The following COP1 variants were observed in gnomAD, a reference collection of about 807,000 sequenced individuals.
COP1 encodes the protein COP1 E3 ubiquitin ligase, also known as E3 ubiquitin-protein ligase COP1.
Under a neutral mutation model 101.3 loss-of-function variants are expected in COP1, and 24 were observed. The observed-to-expected ratio is 0.24, with a 90% CI of 0.17 to 0.33. The LOEUF (loss-of-function observed/expected upper bound fraction) is 0.33, where lower values mean the gene tolerates loss of function less well. Among genes scored for constraint, COP1 ranks in the 10% least tolerant of loss-of-function variants. The pLI, the probability that COP1 is intolerant of heterozygous loss-of-function variation, is 1.00. For missense variants in COP1, 663 were observed against 906.2 expected, an observed-to-expected ratio of 0.73 and a Z score of 3.45; for synonymous variants, 347 against 341.9, an observed-to-expected ratio of 1.01 and a Z score of -0.17.
intron 8 of COP1, among the ~76,000 whole-genome samples, chr1:176,122,261 C>T (rs1015743037): frequency 6.6e-6 from 1 of 151,814 alleles, no homozygotes. Flanking sequence ...CTGGTCTGAA[C>T]ACATCTGACA....
intron 11 of COP1, among the ~76,000 whole-genome samples, chr1:176,065,895 A>T (rs1675870491): frequency 6.6e-6 from 1 of 151,792 alleles, no homozygotes; most frequent in Non-Finnish European, 1.5e-5. Flanking sequence ...TTTAGTAGAG[A>T]TGAGGTTTCA....
chr1:176,179,494 C>A (rs149382724), intron 2 of COP1, among the ~76,000 whole-genome samples: 1 of 152,052 alleles, frequency 6.6e-6, no homozygotes, highest in Non-Finnish European at 1.5e-5. Flanking sequence ...CAGCAATTTG[C>A]GAGGGCGAGG....
rs180880046 is a variant in COP1 at position 176,043,673 on chromosome 1, A to G, written c.1530+37T>C. The G allele has an allele frequency of 2.2e-5, 25 of 1,141,664 alleles. No individual in the cohort carries two copies. The Admixed American group carries it at 4.4e-4, about 20-fold the overall frequency. The allele number at this position is 1,141,664 out of a possible 1,614,324, so 70.7% of individuals were successfully genotyped here. ...CTAAAAGTTTTAACAAACCAAATGT[A>G]TGATTCATATAACATGTAACTAGTA... On this transcript the variant is annotated intron_variant, in intron 13 of 19. Coordinates refer to ENST00000367669, the MANE Select transcript of COP1 (RefSeq NM_022457.7).
chr1:176,201,071 T>G (rs1397300673), intron 1 of COP1, among the ~76,000 whole-genome samples: 1 of 152,064 alleles, frequency 6.6e-6, no homozygotes, highest in African/African-American at 2.4e-5. Flanking sequence ...AATCAAAAAT[T>G]TTTTCAGTGC....
chr1:175,978,373 A>T (rs1655050811), intron 18 of COP1, among the ~76,000 whole-genome samples: 1 of 152,204 alleles, frequency 6.6e-6, no homozygotes, highest in African/African-American at 2.4e-5. Flanking sequence ...TTATTATAAT[A>T]TTCACCATAA....
intron 2 of COP1, among the ~76,000 whole-genome samples, chr1:176,181,746 C>A (rs1212217884): frequency 6.6e-6 from 1 of 151,872 alleles, no homozygotes; most frequent in African/African-American, 2.4e-5. Flanking sequence ...GAGGCTGAGG[C>A]AGGAGAATCG....
intron 9 of COP1, among the ~76,000 whole-genome samples, chr1:176,089,299 TAACAACAAC>T (rs143549335): frequency 2.9e-4 from 43 of 150,598 alleles, no homozygotes; most frequent in African/African-American, 9.3e-4. Context: ...TCTAAAACAA[TAACAACAAC>T]AACAACAACA....
intron 9 of COP1, among the ~76,000 whole-genome samples, chr1:176,094,207 T>C (rs143285872): frequency 1.3e-5 from 2 of 152,268 alleles, no homozygotes; most frequent in African/African-American, 4.8e-5. Context: ...ACTCATTTTC[T>C]CAATTATTTT....
rs569849480 is a variant in COP1, at chr1:176,108,126, A to C, written c.1026+8498T>G. 9.9e-5 allele frequency among the ~76,000 whole-genome samples: 15 copies of C among 152,194 alleles called. No individual in the cohort carries two copies. In the East Asian group the frequency reaches 2.9e-3, roughly 29 times the overall value. On this transcript the variant is annotated intron_variant, in intron 9 of 19. Coordinates refer to ENST00000367669, the MANE Select transcript of COP1 (RefSeq NM_022457.7). ...AAGTAAAAATTTTAGGTTTTCTGAG[A>C]TACATCAATTTTTTAATTTTGCTAA...
intron 9 of COP1, among the ~76,000 whole-genome samples, chr1:176,096,511 C>T (rs1481812076): frequency 6.6e-6 from 1 of 152,214 alleles, no homozygotes; most frequent in Non-Finnish European, 1.5e-5. Flanking sequence ...CCTCAGGGGC[C>T]TGGGCCCTGC....
intron 15 of COP1, among the ~76,000 whole-genome samples, chr1:176,005,017 C>A (rs1268031953): frequency 6.6e-6 from 1 of 152,040 alleles, no homozygotes; most frequent in Non-Finnish European, 1.5e-5. Context: ...TTGATTCTTG[C>A]CACAATTTCA....
chr1:175,980,984 T>A (rs1655707376), intron 18 of COP1, among the ~76,000 whole-genome samples: 1 of 152,078 alleles, frequency 6.6e-6, no homozygotes, highest in African/African-American at 2.4e-5. Flanking sequence ...CACTTCATAT[T>A]TCATTCCAAT....
At chr1:176,068,372 A>G in intron 11 of COP1, among the ~76,000 whole-genome samples, 1 of 152,146 alleles carries the variant, frequency 6.6e-6, no homozygotes, top group East Asian at 1.9e-4. Flanking sequence ...AAATTCTTAC[A>G]CATAGCACAG....
chr1:176,046,294 A>G lies in COP1; in HGVS notation c.1308T>C (p.Phe436=). ...SIEFDRDCDY[F]AIAGVTKKIK... is the part of the protein sequence containing the mutation. ...TCTTCTTTGTAACTCCAGCAATCGC[A>G]AAATAGTCACAATCCCGGTCAAATT... The change falls in exon 12 of 20, where the codon TTT becomes TTC. Residue 436 remains phenylalanine (F), a synonymous_variant. Transcript: ENST00000367669. The G allele has an allele frequency of 6.2e-7, 1 of 1,610,524 alleles. No homozygotes were observed. Among genetic ancestry groups the G allele is most frequent in the Non-Finnish European group, 8.5e-7 (1 of 1,178,810 alleles).
intron 8 of COP1, among the ~76,000 whole-genome samples, chr1:176,130,533 G>A (rs1688714481): frequency 6.6e-6 from 1 of 151,772 alleles, no homozygotes; most frequent in African/African-American, 2.4e-5. Context: ...ATGGATGAAA[G>A]CTTAAAAGGT....
intron 18 of COP1, among the ~76,000 whole-genome samples, chr1:175,951,513 C>T (rs950873117): frequency 2.8e-5 from 4 of 141,726 alleles, no homozygotes; most frequent in Non-Finnish European, 4.6e-5. Flanking sequence ...ATTTGTTTTC[C>T]TACCATATAC....
chr1:176,193,267 AAAC>A (rs1225578053), intron 1 of COP1, among the ~76,000 whole-genome samples: 1 of 152,198 alleles, frequency 6.6e-6, no homozygotes, highest in Admixed American at 6.5e-5. Context: ...TCAAAAAGGA[AAAC>A]AACGTGTTGA....
At chr1:176,063,232 T>C (rs1313989903) in intron 11 of COP1, among the ~76,000 whole-genome samples, 2 of 150,878 alleles carry the variant, frequency 1.3e-5, no homozygotes, top group Non-Finnish European at 3.0e-5. Context: ...GCTAATTTTT[T>C]TGTATTTTTA....
intron 18 of COP1, among the ~76,000 whole-genome samples, chr1:175,980,364 G>A (rs1175196228): frequency 8.1e-6 from 1 of 123,360 alleles, no homozygotes; most frequent in African/African-American, 2.8e-5. Context: ...CAAAACATCT[G>A]CTTAAGAACA....
Sources: allele counts gnomAD v4.1 joint callset (sites outside exome capture counted in the v4.1 genomes callset), GRCh38; gene constraint gnomAD v4.1.1; transcripts MANE v1.5; gene names NCBI Gene and HGNC (gene_info 2026-07-23, HGNC 2026-07-21).